Variants in DYRK4 observed in about 807,000 individuals in gnomAD.
DYRK4 encodes dual specificity tyrosine phosphorylation regulated kinase 4, also known as dual specificity tyrosine-phosphorylation-regulated kinase 4.
A neutral mutation model predicts 68.3 loss-of-function variants in DYRK4; 64 were observed. The ratio of observed to expected loss-of-function variants is 0.94; its 90% confidence interval spans 0.77 to 1.15. The LOEUF (loss-of-function observed/expected upper bound fraction) is 1.15. Ranked by LOEUF, DYRK4 falls within the 50% of genes most tolerant of loss-of-function variation. The pLI is 0.00. For missense variants in DYRK4, 740 were observed against 764.7 expected, an observed-to-expected ratio of 0.97 and a Z score of 0.38; for synonymous variants, 274 against 289.9, an observed-to-expected ratio of 0.95 and a Z score of 0.56.
chr12:4,594,739 G>A (rs1646386870), intron 6 of DYRK4, among the ~76,000 whole-genome samples: 2 of 151,890 alleles, frequency 1.3e-5, no homozygotes, highest in South Asian at 4.2e-4. Flanking sequence ...GCGTTGTGGG[G>A]AAGAAAGGGA....
intron 10 of DYRK4, chr12:4,603,219 G>A: frequency 1.9e-6 from 2 of 1,070,988 alleles, no homozygotes; most frequent in South Asian, 1.3e-5. Context: ...GATTTGTCAG[G>A]ATCAGAAAGC....
At chr12:4,610,059 A>G in intron 12 of DYRK4, 96 bp from the exon 13 acceptor site, 1 of 1,115,810 alleles carries the variant, frequency 9.0e-7, no homozygotes, top group Non-Finnish European at 1.3e-6. Flanking sequence ...TAAGACAGAG[A>G]GCAAAAGAGC....
intron 2 of DYRK4, among the ~76,000 whole-genome samples, chr12:4,579,071 T>C (rs1214283633): frequency 2.0e-5 from 3 of 151,982 alleles, no homozygotes; most frequent in Admixed American, 2.0e-4. Context: ...GGTGAAGAGA[T>C]TGAGACCATC....
chr12:4,567,537 C>G (rs1012594549), intron 1 of DYRK4, among the ~76,000 whole-genome samples: 3 of 152,122 alleles, frequency 2.0e-5, no homozygotes, highest in African/African-American at 7.2e-5. Context: ...GCAAACATGG[C>G]CAAATGAGAG....
chr12:4,596,472 C>G (rs898195477), intron 7 of DYRK4, 117 bp from the exon 8 acceptor site: 18 of 1,499,968 alleles, frequency 1.2e-5, no homozygotes, highest in Non-Finnish European at 1.5e-5. Context: ...TTTAGTGCTT[C>G]CTGCCACTAG....
chr12:4,606,738 G>A (rs762066922), intron 11 of DYRK4, among the ~76,000 whole-genome samples: 5 of 152,206 alleles, frequency 3.3e-5, no homozygotes, highest in Admixed American at 6.5e-5. Context: ...TGACCTCAGT[G>A]TCAAAGGGTC....
intron 2 of DYRK4, among the ~76,000 whole-genome samples, chr12:4,586,214 C>T (rs1032051881): frequency 2.6e-5 from 4 of 152,078 alleles, no homozygotes; most frequent in African/African-American, 4.8e-5. Context: ...AAAAGAGCCT[C>T]GTTGGCTTTC....
chr12:4,604,761 T>C (rs1945120523), intron 10 of DYRK4, 153 bp from the exon 11 acceptor site: 3 of 812,778 alleles, frequency 3.7e-6, no homozygotes, highest in Non-Finnish European at 5.2e-6. Context: ...TTTGATGCTG[T>C]GATGGTGTAA....
chr12:4,596,190 G>T lies in DYRK4; in HGVS notation c.669G>T (p.Glu223Asp), dbSNP rs1289223890. Residue 223 changes from glutamate to aspartate, a missense_variant, in exon 7 of 15, where the codon GAG becomes GAT. Around this residue, in one of 3 missense-constraint regions of DYRK4, gnomAD observed 614 missense variants for 603.7 expected, o/e 1.02. Transcript: ENST00000543431. ...DHIAYRYEVL[E>D]TIGKGSFGQV... Reference sequence around the variant, plus strand: ...TTGCCTACCGCTATGAAGTTCTGGAGACAATCGGGAAGGGGTCCTTTGGAC... The same window carrying T: ...TTGCCTACCGCTATGAAGTTCTGGATACAATCGGGAAGGGGTCCTTTGGAC... 1 of 1,614,086 alleles carries T rather than the reference G, an allele frequency of 6.2e-7. No homozygotes were observed. Among genetic ancestry groups the T allele is most frequent in the African/African-American group, 1.3e-5 (1 of 74,928 alleles).
Position 4,599,716 on chromosome 12 carries a change from G to C in DYRK4, c.1054G>C (p.Val352Leu). Residue 352 changes from valine to leucine, a missense_variant, in exon 10 of 15, where the codon GTG (valine) becomes CTG (leucine). Physicochemically the swap from Val to Leu is conservative, Grantham distance 32. Around this residue, in one of 3 missense-constraint regions of DYRK4, gnomAD observed 614 missense variants for 603.7 expected, o/e 1.02. Coordinates refer to ENST00000543431, the MANE Select transcript of DYRK4 (RefSeq NM_001394779.1). ...IHCDLKPENI[V>L]LYQKGQASVK... Reference sequence around the variant, plus strand: ...CTTTTCTTCTCTCTAGGAAAATATAGTGCTATACCAAAAGGGCCAAGCCTC... The same window carrying C: ...CTTTTCTTCTCTCTAGGAAAATATACTGCTATACCAAAAGGGCCAAGCCTC... 1 of 1,613,692 alleles carries C rather than the reference G, an allele frequency of 6.2e-7. No individual in the cohort carries two copies. Among genetic ancestry groups the C allele is most frequent in the East Asian group, 2.2e-5 (1 of 44,870 alleles).
At position 4,608,251 on chromosome 12, in the gene DYRK4, A is replaced by G. The variant is rs574797872; in HGVS notation, c.1360+864A>G. 5.3e-5 allele frequency among the ~76,000 whole-genome samples: 8 copies of G among 152,312 alleles called. No individual in the cohort carries two copies. The East Asian group carries it at 9.7e-4, about 18-fold the overall frequency. On this transcript the variant is annotated intron_variant, in intron 12 of 14. Coordinates refer to ENST00000543431, the MANE Select transcript of DYRK4 (RefSeq NM_001394779.1). ...AGGAGGAAAAGGGAACTCCACAGAC[A>G]GGGACTCCATGCTACCTGGAGTGAC...
At chr12:4,563,260 CT>C (rs1391069973) in intron 1 of DYRK4, 3 of 411,720 alleles carry the variant, frequency 7.3e-6, no homozygotes, top group Non-Finnish European at 9.8e-6. Flanking sequence ...TGTTGTTTCT[CT>C]TGTTTGTTTT....
chr12:4,604,846 C>T, intron 10 of DYRK4, 68 bp from the exon 11 acceptor site: 1 of 1,486,334 alleles, frequency 6.7e-7, no homozygotes, highest in Non-Finnish European at 9.0e-7. Flanking sequence ...GAGAAGTTGT[C>T]CTGGGGGAGA....
Position 4,599,076 on chromosome 12 carries a change from T to G in DYRK4, c.954T>G (p.Ser318Arg). The G allele has an allele frequency of 3.7e-6, 6 of 1,614,132 alleles. No homozygotes were observed. The highest frequency in any genetic ancestry group is 5.1e-6 in the Non-Finnish European group (6 of 1,180,016). Residue 318 changes from serine (S) to arginine (R), a missense_variant, in exon 9 of 15, where the codon AGT becomes AGG. Coordinates refer to ENST00000543431, the MANE Select transcript of DYRK4 (RefSeq NM_001394779.1). ...LMKNNNFQGF[S>R]LSIVRRFTLS... ...AGAATAACAACTTTCAAGGCTTCAG[T>G]CTGTCCATAGTTCGGCGCTTCACTC...
At position 4,596,680 on chromosome 12, in the gene DYRK4, G is replaced by C. The variant is rs755664062; in HGVS notation, c.856G>C (p.Asp286His). Residue 286 changes from aspartate to histidine, a missense_variant, in exon 8 of 15, where the codon GAC becomes CAC. Asp to His is a moderately conservative substitution (Grantham distance 81, BLOSUM62 -1). This residue lies in a region of DYRK4 where 614 missense variants were observed against 603.7 expected (regional missense o/e 1.02). Transcript: ENST00000543431. ...CACCTACAATGTGGTGCATATGAAG[G>C]ACTTTTTCTACTTTCGCAATCACTT... ...DNTYNVVHMK[D>H]FFYFRNHFCI... 1 of 1,614,180 alleles carries C rather than the reference G, an allele frequency of 6.2e-7. No homozygotes were observed. The highest frequency in any genetic ancestry group is 1.3e-5 in the African/African-American group (1 of 75,044).
intron 2 of DYRK4, among the ~76,000 whole-genome samples, chr12:4,586,363 G>C (rs1419520053): frequency 6.6e-6 from 1 of 152,182 alleles, no homozygotes; most frequent in African/African-American, 2.4e-5. Context: ...TTTAGATACA[G>C]AGCTCAGGAC....
At chr12:4,603,140 G>C in intron 10 of DYRK4, 7 of 1,391,572 alleles carry the variant, frequency 5.0e-6, no homozygotes, top group Non-Finnish European at 7.1e-6. Flanking sequence ...ATCTGATATG[G>C]GATCCAAAGG....
intron 2 of DYRK4, 119 bp from the exon 3 acceptor site, chr12:4,588,818 G>C: frequency 2.2e-6 from 2 of 891,956 alleles, no homozygotes; most frequent in South Asian, 3.3e-5. Flanking sequence ...GCTCTTCCCA[G>C]CTAAGGATTC....
intron 2 of DYRK4, among the ~76,000 whole-genome samples, chr12:4,576,592 C>T (rs535103818): frequency 2.2e-4 from 34 of 152,336 alleles, no homozygotes; most frequent in African/African-American, 7.5e-4. Context: ...AACTGCTACA[C>T]TGTCTTCCAA....
Sources: allele counts gnomAD v4.1 joint callset (sites outside exome capture counted in the v4.1 genomes callset), GRCh38; gene constraint gnomAD v4.1.1; regional missense constraint gnomAD v4.1.1; transcripts MANE v1.5; gene names NCBI Gene and HGNC (gene_info 2026-07-23, HGNC 2026-07-21).